PCP4L1: variants seen among roughly 807,000 people sequenced by gnomAD.
PCP4L1 encodes the protein Purkinje cell protein 4 like 1, also known as Purkinje cell protein 4-like protein 1.
PCP4L1 carries 9 observed loss-of-function variants against 9.6 expected under a neutral mutation model. The ratio of observed to expected loss-of-function variants is 0.94; its 90% CI spans 0.57 to 1.64. The LOEUF (loss-of-function observed/expected upper bound fraction) is 1.64. PCP4L1 is among the 40% of genes most tolerant of loss of function. The pLI is 0.00. For missense variants in PCP4L1, 81 were observed against 80.8 expected, an observed-to-expected ratio of 1.00 and a Z score of -0.01; for synonymous variants, 31 against 28.2, an observed-to-expected ratio of 1.10 and a Z score of -0.31.
intron 1 of PCP4L1, among the ~76,000 whole-genome samples, chr1:161,276,960 G>A (rs1669711091): frequency 6.6e-6 from 1 of 152,104 alleles, no homozygotes; most frequent in Non-Finnish European, 1.5e-5. Context: ...AGAAATGAAA[G>A]AATAGTTCAA....
intron 1 of PCP4L1, among the ~76,000 whole-genome samples, chr1:161,265,636 A>G (rs1174345334): frequency 4.6e-5 from 7 of 152,164 alleles, no homozygotes; most frequent in Non-Finnish European, 1.0e-4. Flanking sequence ...ATGATTTTCT[A>G]AATCCATACT....
chr1:161,264,475 C>T (rs1328081042), intron 1 of PCP4L1, among the ~76,000 whole-genome samples: 2 of 152,014 alleles, frequency 1.3e-5, no homozygotes, highest in Non-Finnish European at 2.9e-5. Flanking sequence ...CGAGATAGCA[C>T]CACTGCACTC....
chr1:161,284,176 C>T (rs1033773678), intron 2 of PCP4L1, among the ~76,000 whole-genome samples, 163 bp from the exon 3 acceptor site: 5 of 152,220 alleles, frequency 3.3e-5, no homozygotes, highest in African/African-American at 1.2e-4. Flanking sequence ...TACCTTGACT[C>T]AGACTTCTAG....
chr1:161,281,693 G>A (rs1468082753), intron 1 of PCP4L1, among the ~76,000 whole-genome samples: 1 of 148,304 alleles, frequency 6.7e-6, no homozygotes, highest in South Asian at 2.2e-4. Flanking sequence ...GGGCGGAGGG[G>A]CTCCTCACTT....
In PCP4L1 at chr1:161,283,667, G is replaced by T; in HGVS notation, c.10-1G>T. The T allele has an allele frequency of 2.5e-6, 4 of 1,595,940 alleles. No homozygotes were observed. The highest frequency in any genetic ancestry group is 3.4e-6 in the Non-Finnish European group (4 of 1,170,520). On this transcript the variant is annotated splice_acceptor_variant, in intron 1 of 2. Coordinates refer to ENST00000504449, the MANE Select transcript of PCP4L1 (RefSeq NM_001102566.2). LOFTEE classifies it high-confidence loss of function. ...TTCTGATATCCTAATATTTTTTCCA[G>T]CTTAATACCAAAACATCCCCAGCAA...
chr1:161,259,991 T>A (rs1669390216), intron 1 of PCP4L1, among the ~76,000 whole-genome samples: 1 of 152,234 alleles, frequency 6.6e-6, no homozygotes, highest in Non-Finnish European at 1.5e-5. Context: ...TTGTAATAAT[T>A]AAATGAGATA....
At chr1:161,267,286 G>C (rs762333760) in intron 1 of PCP4L1, among the ~76,000 whole-genome samples, 3 of 152,160 alleles carry the variant, frequency 2.0e-5, no homozygotes, top group Non-Finnish European at 2.9e-5. Flanking sequence ...TTTATAATGT[G>C]TTTTTATTTA....
chr1:161,283,857 T>A (rs1312233089), intron 2 of PCP4L1, 135 bp downstream of exon 2: 2 of 878,264 alleles, frequency 2.3e-6, no homozygotes, highest in Non-Finnish European at 3.6e-6. Flanking sequence ...AAAGTACCAG[T>A]TTGGAACTAC....
At chr1:161,263,504 C>G (rs1361158377) in intron 1 of PCP4L1, among the ~76,000 whole-genome samples, 1 of 151,922 alleles carries the variant, frequency 6.6e-6, no homozygotes, top group East Asian at 1.9e-4. Flanking sequence ...TCCCAAAGTG[C>G]TGGGATTACA....
intron 1 of PCP4L1, among the ~76,000 whole-genome samples, chr1:161,270,846 G>C (rs1669612745): frequency 1.7e-5 from 2 of 117,852 alleles, no homozygotes; most frequent in Non-Finnish European, 1.8e-5. Flanking sequence ...CTGCACTCCA[G>C]CCTGGTGATT....
intron 1 of PCP4L1, among the ~76,000 whole-genome samples, chr1:161,268,180 A>G (rs917936205): frequency 5.3e-5 from 8 of 152,104 alleles, no homozygotes; most frequent in African/African-American, 1.9e-4. Context: ...GGGTTCCCAG[A>G]GGTTTAGAGC....
chr1:161,267,199 G>A lies in PCP4L1; in HGVS notation c.9+8216G>A, dbSNP rs1669545926. On this transcript the variant is annotated intron_variant, in intron 1 of 2. Transcript: ENST00000504449. ...GTCCCTTTTTAGGTTTCTCTGCCTTGGACTGTAGGACAGGATTCTGAGTTC... is the reference window on the plus strand; with the variant it reads ...GTCCCTTTTTAGGTTTCTCTGCCTTAGACTGTAGGACAGGATTCTGAGTTC... Among the ~76,000 whole-genome samples, 5 of 152,160 alleles carry A rather than the reference G, an allele frequency of 3.3e-5. No individual in the cohort carries two copies. In the South Asian group the frequency reaches 6.2e-4, roughly 19 times the overall value.
At chr1:161,268,843 C>T (rs1558143021) in intron 1 of PCP4L1, among the ~76,000 whole-genome samples, 1 of 152,178 alleles carries the variant, frequency 6.6e-6, no homozygotes, top group Admixed American at 6.5e-5. Flanking sequence ...GCCACCATGC[C>T]CTGCCTTTTT....
At chr1:161,277,087 G>A (rs1389803639) in intron 1 of PCP4L1, among the ~76,000 whole-genome samples, 4 of 151,908 alleles carry the variant, frequency 2.6e-5, no homozygotes, top group Non-Finnish European at 4.4e-5. Context: ...ACCCCATCTC[G>A]AACAAACAAA....
intron 1 of PCP4L1, among the ~76,000 whole-genome samples, chr1:161,271,251 G>C (rs1229515793): frequency 3.3e-5 from 5 of 152,040 alleles, no homozygotes; most frequent in African/African-American, 7.2e-5. Flanking sequence ...ATTTTTAATA[G>C]GTATGTGGTG....
chr1:161,262,448 A>AAAG (rs564696024), intron 1 of PCP4L1, among the ~76,000 whole-genome samples: 11,725 of 149,252 alleles, frequency 0.079, 734 homozygotes, highest in East Asian at 0.25. Flanking sequence ...AAAAAAAAAA[A>AAAG]AAAAAAAAGA....
At chr1:161,262,564 C>T (rs1450887069) in intron 1 of PCP4L1, among the ~76,000 whole-genome samples, 3 of 151,974 alleles carry the variant, frequency 2.0e-5, no homozygotes, top group Non-Finnish European at 4.4e-5. Context: ...GCTGCTTAGG[C>T]AGGAGCCTCT....
At chr1:161,275,515 C>CAAAAAAAAAA (rs11302998) in intron 1 of PCP4L1, among the ~76,000 whole-genome samples, 1 of 91,900 alleles carries the variant, frequency 1.1e-5, no homozygotes, top group African/African-American at 4.1e-5. Flanking sequence ...GACTCCGTCT[C>CAAAAAAAAAA]AAAAAAAAAA....
chr1:161,275,695 C>G (rs563321744), intron 1 of PCP4L1, among the ~76,000 whole-genome samples: 1 of 151,904 alleles, frequency 6.6e-6, no homozygotes, highest in African/African-American at 2.4e-5. Flanking sequence ...GATTTGAAGT[C>G]AGAGATCATG....
Sources: gnomAD v4.1 joint callset for allele counts (sites outside exome capture counted in the v4.1 genomes callset) on GRCh38, gnomAD v4.1.1 for gene constraint, MANE v1.5 for transcripts, NCBI Gene and HGNC (gene_info 2026-07-23, HGNC 2026-07-21) for gene names.